FHIP1A: variants seen among roughly 807,000 people sequenced by gnomAD.
FHIP1A encodes the protein FHF complex subunit HOOK interacting protein 1A.
FHIP1A carries 61 observed loss-of-function variants against 88.6 expected under a neutral mutation model. The ratio of observed to expected loss-of-function variants is 0.69; its 90% confidence interval spans 0.56 to 0.85. FHIP1A has a LOEUF of 0.85. Ranked by LOEUF, FHIP1A falls within the 40% of genes least tolerant of loss-of-function variation. The probability of loss-of-function intolerance (pLI) is 0.00; values close to 1 mark genes in which losing one functional copy is unlikely to be tolerated. For synonymous variants in FHIP1A, 478 were observed against 496.0 expected (o/e 0.96, Z 0.48); for missense variants, 1,154 against 1,273.5 (o/e 0.91, Z 1.43).
intron 2 of FHIP1A, among the ~76,000 whole-genome samples, chr4:151,455,957 G>GA (rs1474949321): frequency 2.0e-5 from 3 of 151,988 alleles, no homozygotes; most frequent in Non-Finnish European, 4.4e-5. Flanking sequence ...GAACAGAATA[G>GA]AAAAATTTAA....
chr4:151,448,165 C>T (rs1168503290), intron 1 of FHIP1A, among the ~76,000 whole-genome samples: 3 of 151,962 alleles, frequency 2.0e-5, no homozygotes, highest in East Asian at 1.9e-4. Flanking sequence ...GTGACCCTCC[C>T]GTCTTAGCCT....
chr4:151,445,846 T>TAA (rs1455018359), intron 1 of FHIP1A, among the ~76,000 whole-genome samples: 4 of 59,442 alleles, frequency 6.7e-5, no homozygotes, highest in Non-Finnish European at 1.2e-4. Flanking sequence ...CCTCATCTCT[T>TAA]AAAATATATA....
At chr4:151,492,591 C>CAA (rs59887435) in intron 3 of FHIP1A, among the ~76,000 whole-genome samples, 216 of 94,230 alleles carry the variant, frequency 2.3e-3, no homozygotes, top group African/African-American at 6.4e-3. Flanking sequence ...GGCTGTGTCT[C>CAA]AAAAAAAAAA....
chr4:151,474,222 A>G (rs1037774232), intron 2 of FHIP1A, among the ~76,000 whole-genome samples: 10 of 152,302 alleles, frequency 6.6e-5, no homozygotes, highest in African/African-American at 2.4e-4. Flanking sequence ...TTGGAAAATG[A>G]TTTTATTTAC....
rs1365039942 is a variant in FHIP1A at position 151,473,380 on chromosome 4, T to C, written c.-247-9144T>C. 3.9e-5 allele frequency among the ~76,000 whole-genome samples: 6 copies of C among 152,232 alleles called. No homozygotes were observed. The South Asian group carries it at 6.2e-4, about 16-fold the overall frequency. On this transcript the variant is annotated intron_variant, in intron 2 of 13. Transcript: ENST00000435205. ...AGTTAATGCTCCTTCATTTCCCTAC[T>C]CTAAGGCATTTCTGAACTGGTGCAG... is the stretch of plus-strand genomic sequence containing the variant.
chr4:151,447,524 A>G (rs1418899870), intron 1 of FHIP1A, among the ~76,000 whole-genome samples: 1 of 152,102 alleles, frequency 6.6e-6, no homozygotes, highest in Non-Finnish European at 1.5e-5. Context: ...GAACCTTCCC[A>G]TATGTTGATC....
intron 3 of FHIP1A, among the ~76,000 whole-genome samples, chr4:151,520,764 A>G (rs12639635): frequency 0.35 from 53,221 of 151,928 alleles, 9,896 homozygotes; most frequent in Non-Finnish European, 0.43. Context: ...CTGGCAGAGG[A>G]AAATTCACTT....
At chr4:151,472,622 GTTT>G (rs5862961) in intron 2 of FHIP1A, among the ~76,000 whole-genome samples, 3 of 131,486 alleles carry the variant, frequency 2.3e-5, no homozygotes, top group Admixed American at 7.6e-5. Context: ...TTGCCTTGCT[GTTT>G]TTTTTTTTTT....
At chr4:151,421,963 G>A (rs1733186435) in intron 1 of FHIP1A, among the ~76,000 whole-genome samples, 1 of 151,996 alleles carries the variant, frequency 6.6e-6, no homozygotes, top group African/African-American at 2.4e-5. Context: ...AAGTATGCAA[G>A]TTAGCAAAAT....
rs538100075 is a variant in FHIP1A at position 151,552,645 on chromosome 4, G to A, written c.-122-13493G>A. Among the ~76,000 whole-genome samples, 57 of 152,034 alleles carry A rather than the reference G, an allele frequency of 3.7e-4. No individual in the cohort carries two copies. The East Asian group carries it at 0.011, about 28-fold the overall frequency. ...AACAATGAGAACACTTGGACACAGG[G>A]TGGGGAACATCACACCCCGGGGCCT... On this transcript the variant is annotated intron_variant, in intron 3 of 13. Coordinates refer to ENST00000435205, the MANE Select transcript of FHIP1A (RefSeq NM_001109977.3).
chr4:151,517,427 T>G (rs980743090), intron 3 of FHIP1A, among the ~76,000 whole-genome samples: 2 of 152,110 alleles, frequency 1.3e-5, no homozygotes, highest in African/African-American at 4.8e-5. Flanking sequence ...ATTGTGCACA[T>G]GTACCCTAAA....
intron 3 of FHIP1A, among the ~76,000 whole-genome samples, chr4:151,499,226 C>T (rs1290823478): frequency 6.6e-6 from 1 of 152,160 alleles, no homozygotes; most frequent in African/African-American, 2.4e-5. Flanking sequence ...TTCTTATATA[C>T]CTGAGTCCCA....
chr4:151,542,454 T>C (rs1296804960), intron 3 of FHIP1A, among the ~76,000 whole-genome samples: 1 of 152,190 alleles, frequency 6.6e-6, no homozygotes, highest in East Asian at 1.9e-4. Flanking sequence ...ATATTCTCTT[T>C]GCTATCACCT....
At chr4:151,493,418 T>A (rs1266599781) in intron 3 of FHIP1A, among the ~76,000 whole-genome samples, 1 of 152,096 alleles carries the variant, frequency 6.6e-6, no homozygotes, top group Non-Finnish European at 1.5e-5. Flanking sequence ...TTGCTACCAA[T>A]CCTACTGAAA....
At chr4:151,517,778 C>CA (rs1183408528) in intron 3 of FHIP1A, among the ~76,000 whole-genome samples, 1 of 151,190 alleles carries the variant, frequency 6.6e-6, no homozygotes, top group East Asian at 1.9e-4. Context: ...TAGCTTTTAA[C>CA]AAAAAAGTTT....
chr4:151,539,427 G>T (rs573945669), intron 3 of FHIP1A, among the ~76,000 whole-genome samples: 1 of 152,108 alleles, frequency 6.6e-6, no homozygotes, highest in South Asian at 2.1e-4. Context: ...AGCCGGGCAT[G>T]ATGGTGGGTG....
chr4:151,473,670 G>C (rs1729604990), intron 2 of FHIP1A, among the ~76,000 whole-genome samples: 1 of 152,150 alleles, frequency 6.6e-6, no homozygotes, highest in African/African-American at 2.4e-5. Flanking sequence ...CAGTTTTGCA[G>C]TTTTCCTCCT....
At chr4:151,438,336 C>T (rs554887993) in intron 1 of FHIP1A, among the ~76,000 whole-genome samples, 2 of 152,188 alleles carry the variant, frequency 1.3e-5, no homozygotes, top group East Asian at 1.9e-4. Context: ...GGTTCGGGCA[C>T]CATGGCCTTG....
rs760997198 is a variant in FHIP1A at position 151,563,058 on chromosome 4, A to G, written c.-122-3080A>G. Among the ~76,000 whole-genome samples the G allele has an allele frequency of 1.6e-4, 25 of 152,212 alleles. 1 individual carries two copies. The highest frequency in any genetic ancestry group is 6.2e-4 in the South Asian group (3 of 4,832). On this transcript the variant is annotated intron_variant, in intron 3 of 13. Coordinates refer to ENST00000435205, the MANE Select transcript of FHIP1A (RefSeq NM_001109977.3). ...TATTTGGCCAGTTATCCCTGTCTCT[A>G]ACAATATTTAATATAATTTTTCTTT... is the stretch of plus-strand genomic sequence containing the variant.
Sources: allele counts gnomAD v4.1 joint callset (sites outside exome capture counted in the v4.1 genomes callset), GRCh38; gene constraint gnomAD v4.1.1; transcripts MANE v1.5; gene names NCBI Gene and HGNC (gene_info 2026-07-23, HGNC 2026-07-21).